TNNI3K: variants seen among roughly 807,000 people sequenced by gnomAD.
The protein encoded by TNNI3K is TNNI3 interacting kinase.
In TNNI3K, 140 loss-of-function variants were observed where a neutral mutation model predicts 114.5. That is an observed-to-expected ratio of 1.22 (90% CI 1.07 to 1.41). TNNI3K has a LOEUF of 1.41. Among genes scored for constraint, TNNI3K ranks in the 40% most tolerant of loss-of-function variants. The pLI is 0.00. For missense variants in TNNI3K, 1,125 were observed against 1,007.6 expected (o/e 1.12, Z -1.58); for synonymous variants, 347 against 347.5 (o/e 1.00, Z 0.02).
intron 4 of TNNI3K, among the ~76,000 whole-genome samples, chr1:74,251,001 C>G (rs1402770103): frequency 6.6e-6 from 1 of 152,008 alleles, no homozygotes; most frequent in Non-Finnish European, 1.5e-5. Context: ...ACAAGAACCC[C>G]ATGAGTGAAT....
At chr1:74,458,749 G>A (rs1392712320) in intron 20 of TNNI3K, among the ~76,000 whole-genome samples, 1 of 152,096 alleles carries the variant, frequency 6.6e-6, no homozygotes, top group Non-Finnish European at 1.5e-5. Context: ...TAGTGCCTAT[G>A]TTTTTTAATT....
At chr1:74,489,353 C>T in intron 22 of TNNI3K, 105 bp downstream of exon 22, 1 of 1,121,916 alleles carries the variant, frequency 8.9e-7, no homozygotes, top group Non-Finnish European at 1.3e-6. Context: ...ACTGTGAGGA[C>T]CCATAACTCC....
chr1:74,341,728 T>C (rs1372076325), intron 7 of TNNI3K: 1 of 152,152 alleles, frequency 6.6e-6, no homozygotes, highest in African/African-American at 2.4e-5. Flanking sequence ...TCCAGAATCA[T>C]GCCCAAATGT....
At chr1:74,433,667 T>C (rs902731096) in intron 17 of TNNI3K, among the ~76,000 whole-genome samples, 9 of 152,104 alleles carry the variant, frequency 5.9e-5, no homozygotes, top group African/African-American at 2.2e-4. Flanking sequence ...TGTCACTGCA[T>C]CCTTTGTTTT....
At chr1:74,527,093 C>T (rs1034151511) in intron 23 of TNNI3K, among the ~76,000 whole-genome samples, 2 of 152,166 alleles carry the variant, frequency 1.3e-5, no homozygotes, top group Admixed American at 1.3e-4. Context: ...AGCCCCAAAA[C>T]TGTATACATT....
chr1:74,542,733 CA>C (rs1646740804), intron 24 of TNNI3K, among the ~76,000 whole-genome samples: 1 of 152,212 alleles, frequency 6.6e-6, no homozygotes, highest in South Asian at 2.1e-4. Context: ...ACTCAGCTAT[CA>C]AAGGGGAGCA....
chr1:74,256,557 A>G (rs1211158579), intron 4 of TNNI3K, among the ~76,000 whole-genome samples: 1 of 151,734 alleles, frequency 6.6e-6, no homozygotes, highest in Non-Finnish European at 1.5e-5. Context: ...AATTTCTCTC[A>G]GTGTCTGACT....
intron 21 of TNNI3K, chr1:74,471,381 C>G (rs1368598266): frequency 2.5e-6 from 1 of 400,510 alleles, no homozygotes; most frequent in African/African-American, 2.1e-5. Flanking sequence ...TCTTAGGAGG[C>G]AACAATACCT....
chr1:74,307,678 C>T (rs1375604498), intron 5 of TNNI3K, among the ~76,000 whole-genome samples: 4 of 152,176 alleles, frequency 2.6e-5, no homozygotes, highest in Non-Finnish European at 1.5e-5. Context: ...GATAGACAAC[C>T]ATTCAGTAAC....
At chr1:74,377,898 T>C (rs11804046) in intron 17 of TNNI3K, among the ~76,000 whole-genome samples, 2,311 of 152,170 alleles carry the variant, frequency 0.015, 18 homozygotes, top group Middle Eastern at 0.02. Flanking sequence ...TAATTCACTA[T>C]TATATCAATG....
intron 5 of TNNI3K, among the ~76,000 whole-genome samples, chr1:74,322,335 A>G (rs1014886940): frequency 2.6e-5 from 4 of 152,160 alleles, no homozygotes; most frequent in Non-Finnish European, 5.9e-5. Flanking sequence ...CATGAAGTAA[A>G]CAAAGTTTTA....
intron 17 of TNNI3K, among the ~76,000 whole-genome samples, chr1:74,400,094 C>T (rs1385547926): frequency 2.0e-5 from 3 of 152,200 alleles, no homozygotes; most frequent in African/African-American, 7.2e-5. Flanking sequence ...TATAAGGGCC[C>T]TATGCCACCT....
At chr1:74,447,321 C>G (rs1219834914) in intron 20 of TNNI3K, among the ~76,000 whole-genome samples, 2 of 149,980 alleles carry the variant, frequency 1.3e-5, no homozygotes. Context: ...TGGGAGTTCA[C>G]TCATGATTTG....
chr1:74,248,782 G>T (rs1654749480), intron 2 of TNNI3K, among the ~76,000 whole-genome samples: 1 of 152,004 alleles, frequency 6.6e-6, no homozygotes, highest in African/African-American at 2.4e-5. Context: ...TCCCCTCAAG[G>T]CAGGTCATAG....
chr1:74,449,352 CT>C (rs1333022396), intron 20 of TNNI3K, among the ~76,000 whole-genome samples: 1 of 151,100 alleles, frequency 6.6e-6, no homozygotes, highest in Non-Finnish European at 1.5e-5. Context: ...ATTCTTCTCT[CT>C]TTTTTTCTTT....
At chr1:74,347,551 T>A (rs1408124366) in intron 9 of TNNI3K, among the ~76,000 whole-genome samples, 1 of 152,222 alleles carries the variant, frequency 6.6e-6, no homozygotes, top group Non-Finnish European at 1.5e-5. Flanking sequence ...GTATTGCTAA[T>A]TCTAGATCCC....
At chr1:74,433,634 C>T (rs769073403) in intron 17 of TNNI3K, among the ~76,000 whole-genome samples, 1 of 152,112 alleles carries the variant, frequency 6.6e-6, no homozygotes, top group Non-Finnish European at 1.5e-5. Flanking sequence ...GCTATGAACT[C>T]TCATTGTCCT....
At chr1:74,312,615 A>G (rs941456696) in intron 5 of TNNI3K, among the ~76,000 whole-genome samples, 1 of 152,262 alleles carries the variant, frequency 6.6e-6, no homozygotes, top group Non-Finnish European at 1.5e-5. Flanking sequence ...AGGAGAGATT[A>G]AAACAGGAGG....
chr1:74,344,855 T>C (rs2100449716), intron 9 of TNNI3K, among the ~76,000 whole-genome samples: 1 of 152,240 alleles, frequency 6.6e-6, no homozygotes, highest in Admixed American at 6.5e-5. Flanking sequence ...TTTAAGCAAA[T>C]ATTTATAAAA....
Sources: gnomAD v4.1 joint callset for allele counts (sites outside exome capture counted in the v4.1 genomes callset) on GRCh38, gnomAD v4.1.1 for gene constraint, MANE v1.5 for transcripts, NCBI Gene and HGNC (gene_info 2026-07-23, HGNC 2026-07-21) for gene names.